The following CNOT6L variants were observed in gnomAD, a reference collection of about 807,000 sequenced individuals.
CNOT6L encodes CCR4-NOT transcription complex subunit 6-like.
CNOT6L carries 7 observed loss-of-function variants against 64.0 expected under a neutral mutation model. The ratio of observed to expected loss-of-function variants is 0.11; its 90% CI spans 0.06 to 0.21. The LOEUF (loss-of-function observed/expected upper bound fraction) is 0.21, where lower values mean the gene tolerates loss of function less well. Ranked by LOEUF, CNOT6L falls within the 10% of genes least tolerant of loss-of-function variation. The pLI is 1.00. For missense variants in CNOT6L, 245 were observed against 669.0 expected, an observed-to-expected ratio of 0.37 and a Z score of 6.99; for synonymous variants, 193 against 243.4, an observed-to-expected ratio of 0.79 and a Z score of 1.93.
At chr4:77,748,176 TA>T in intron 6 of CNOT6L, 139 bp downstream of exon 6, 3 of 675,568 alleles carry the variant, frequency 4.4e-6, no homozygotes, top group Non-Finnish European at 7.8e-6. Flanking sequence ...GTGGACTTTT[TA>T]AAAGTCTATC....
chr4:77,741,032 T>C (rs1463409351), intron 8 of CNOT6L, among the ~76,000 whole-genome samples: 1 of 152,184 alleles, frequency 6.6e-6, no homozygotes, highest in Non-Finnish European at 1.5e-5. Context: ...TAATGATGCA[T>C]TTCTCAGAAC....
intron 1 of CNOT6L, among the ~76,000 whole-genome samples, chr4:77,799,563 G>C (rs530033859): frequency 6.1e-4 from 93 of 152,074 alleles, no homozygotes; most frequent in African/African-American, 2.2e-3. Flanking sequence ...AAATTAGCTG[G>C]GCGTGGTGGT....
intron 1 of CNOT6L, among the ~76,000 whole-genome samples, chr4:77,784,619 G>C (rs1000158672): frequency 1.3e-5 from 2 of 152,000 alleles, no homozygotes; most frequent in East Asian, 1.9e-4. Context: ...GAGTACCGAG[G>C]ACTACAGGTG....
intron 4 of CNOT6L, among the ~76,000 whole-genome samples, chr4:77,758,686 T>G (rs1019944000): frequency 6.6e-6 from 1 of 152,184 alleles, no homozygotes; most frequent in Non-Finnish European, 1.5e-5. Flanking sequence ...AGGCTCCATG[T>G]AGATTAGCTT....
chr4:77,786,445 C>T (rs1051905457), intron 1 of CNOT6L, among the ~76,000 whole-genome samples: 2 of 151,984 alleles, frequency 1.3e-5, no homozygotes, highest in African/African-American at 4.8e-5. Flanking sequence ...GAGACCCTGT[C>T]TGTATTGCTA....
At chr4:77,815,431 C>T (rs574628540) in intron 1 of CNOT6L, among the ~76,000 whole-genome samples, 1 of 152,276 alleles carries the variant, frequency 6.6e-6, no homozygotes, top group South Asian at 2.1e-4. Context: ...CCCCCTCCCA[C>T]TCCTGTGACT....
chr4:77,772,578 T>C (rs1727685810), intron 4 of CNOT6L, among the ~76,000 whole-genome samples: 1 of 152,196 alleles, frequency 6.6e-6, no homozygotes, highest in African/African-American at 2.4e-5. Flanking sequence ...ACAAGTTTGT[T>C]AATATGATGG....
intron 5 of CNOT6L, among the ~76,000 whole-genome samples, chr4:77,755,510 G>A (rs1400681541): frequency 2.6e-5 from 4 of 151,778 alleles, no homozygotes; most frequent in South Asian, 2.1e-4. Flanking sequence ...CACCATGCCC[G>A]GCCGAGATAT....
At chr4:77,786,830 T>A (rs1729504822) in intron 1 of CNOT6L, among the ~76,000 whole-genome samples, 1 of 152,164 alleles carries the variant, frequency 6.6e-6, no homozygotes, top group South Asian at 2.1e-4. Flanking sequence ...TCACAGGGGT[T>A]GCTGAAAAAT....
intron 1 of CNOT6L, chr4:77,819,058 A>ACACACACACACG (rs1733965083): frequency 1.5e-6 from 1 of 681,604 alleles, no homozygotes. Flanking sequence ...CGACACACAC[A>ACACACACACACG]CACACACACA....
At chr4:77,772,082 G>A (rs562828837) in intron 4 of CNOT6L, among the ~76,000 whole-genome samples, 19 of 152,202 alleles carry the variant, frequency 1.2e-4, no homozygotes, top group Middle Eastern at 3.4e-3. Flanking sequence ...GGACTAACAC[G>A]TTACCTAGAA....
rs564407651 is a variant in CNOT6L, at chr4:77,793,787, G to GTATA, written c.6-17399_6-17396dup. On this transcript the variant is annotated intron_variant, in intron 1 of 11. Coordinates refer to ENST00000504123, the MANE Select transcript of CNOT6L (RefSeq NM_144571.3). The stretch of plus-strand genomic sequence containing the variant: ...CTTTCTATGCAGTAAGAGTGTACAG[G>GTATA]TATATGCGTTATAAATTTTACTAAA... Among the ~76,000 whole-genome samples the GTATA allele has an allele frequency of 1.3e-3, 191 of 152,142 alleles. 1 individual carries two copies. Among genetic ancestry groups the GTATA allele is most frequent in the African/African-American group, 4.3e-3 (177 of 41,530 alleles).
At chr4:77,763,439 A>G (rs917647029) in intron 4 of CNOT6L, among the ~76,000 whole-genome samples, 1 of 152,116 alleles carries the variant, frequency 6.6e-6, no homozygotes, top group Non-Finnish European at 1.5e-5. Flanking sequence ...CAATTCACCA[A>G]AAGACACTAG....
At chr4:77,807,292 A>G (rs1732350487) in intron 1 of CNOT6L, among the ~76,000 whole-genome samples, 1 of 151,352 alleles carries the variant, frequency 6.6e-6, no homozygotes, top group African/African-American at 2.4e-5. Context: ...AAAAAAAAAA[A>G]ATCCTACAAT....
At chr4:77,744,468 G>A (rs932864457) in intron 7 of CNOT6L, among the ~76,000 whole-genome samples, 3 of 151,958 alleles carry the variant, frequency 2.0e-5, no homozygotes, top group East Asian at 1.9e-4. Context: ...TAACATGAAC[G>A]GGTAAGATTA....
At chr4:77,777,731 A>G (rs1728311314) in intron 1 of CNOT6L, among the ~76,000 whole-genome samples, 2 of 152,230 alleles carry the variant, frequency 1.3e-5, no homozygotes, top group South Asian at 4.1e-4. Context: ...GTTTCCAAGT[A>G]AAGTTTAGAA....
intron 3 of CNOT6L, 119 bp downstream of exon 3, chr4:77,774,411 C>G: frequency 1.3e-6 from 1 of 785,354 alleles, no homozygotes; most frequent in Non-Finnish European, 2.0e-6. Flanking sequence ...TATGCTTAGA[C>G]AGTTTATATA....
At chr4:77,753,164 A>C (rs1436224037) in intron 5 of CNOT6L, among the ~76,000 whole-genome samples, 29 of 150,506 alleles carry the variant, frequency 1.9e-4, no homozygotes, top group African/African-American at 7.0e-4. Flanking sequence ...TAAAGAAATT[A>C]AATCAGTAAT....
chr4:77,730,674 G>C (rs1445961355), intron 9 of CNOT6L, among the ~76,000 whole-genome samples: 1 of 151,946 alleles, frequency 6.6e-6, no homozygotes, highest in African/African-American at 2.4e-5. Flanking sequence ...GAGAAAAGAA[G>C]GTTTGACACA....
Sources: gnomAD v4.1 joint callset for allele counts (sites outside exome capture counted in the v4.1 genomes callset) on GRCh38, gnomAD v4.1.1 for gene constraint, MANE v1.5 for transcripts, NCBI Gene and HGNC (gene_info 2026-07-23, HGNC 2026-07-21) for gene names.